AFDN: variants seen among roughly 807,000 people sequenced by gnomAD.
AFDN encodes the protein afadin.
Under a neutral mutation model 216.6 loss-of-function variants are expected in AFDN, and 68 were observed. The observed-to-expected ratio is 0.31, with a 90% CI of 0.26 to 0.38. AFDN has a LOEUF of 0.38. Among genes scored for constraint, AFDN ranks in the 10% least tolerant of loss-of-function variants. AFDN has a pLI of 1.00. For synonymous variants in AFDN, 868 were observed against 853.7 expected (o/e 1.02, Z -0.29); for missense variants, 2,136 against 2,342.0 (o/e 0.91, Z 1.82).
intron 32 of AFDN, among the ~76,000 whole-genome samples, chr6:167,967,844 C>G (rs1797711565): frequency 6.6e-6 from 1 of 152,170 alleles, no homozygotes; most frequent in African/African-American, 2.4e-5. Context: ...CCTTGCTCAG[C>G]TCTGTTTGTG....
chr6:167,916,974 C>T (rs1021313680), intron 19 of AFDN, 115 bp from the exon 20 acceptor site: 5 of 883,788 alleles, frequency 5.7e-6, no homozygotes, highest in Non-Finnish European at 8.4e-6. Context: ...TGAAATCATT[C>T]TGCATTTCAA....
Position 167,946,723 on chromosome 6 carries a change from C to T in AFDN, c.3375C>T (p.Gly1125=). Residue 1125 remains glycine (G), a synonymous_variant, in exon 27 of 34, where the codon GGC becomes GGT. Transcript: ENST00000683244. ...TGATTCCAGTTTCAGATCGTCGTGG[C>T]TCAGGTAAACCCCGACCAAAGAGTG... ...PMMQRISDRR[G]SGKPRPKSEG... 1 of 1,613,820 alleles carries T rather than the reference C, an allele frequency of 6.2e-7. No individual in the cohort carries two copies. The highest frequency in any genetic ancestry group is 8.5e-7 in the Non-Finnish European group (1 of 1,179,890).
chr6:167,920,787 C>T (rs1214490186), intron 21 of AFDN, among the ~76,000 whole-genome samples: 1 of 152,184 alleles, frequency 6.6e-6, no homozygotes, highest in Non-Finnish European at 1.5e-5. Flanking sequence ...CGGTACTCTA[C>T]TCCTGCTCCT....
At chr6:167,925,140 T>G in intron 23 of AFDN, 49 bp downstream of exon 23, 1 of 1,333,212 alleles carries the variant, frequency 7.5e-7, no homozygotes, top group Non-Finnish European at 1.1e-6. Context: ...CTTTCGGCAT[T>G]GAATCAGTGG....
intron 30 of AFDN, among the ~76,000 whole-genome samples, chr6:167,956,343 T>G (rs968358748): frequency 2.0e-5 from 3 of 152,040 alleles, no homozygotes; most frequent in Admixed American, 2.0e-4. Flanking sequence ...AGGCAGGTCT[T>G]TTCCTGTTTG....
At position 167,968,984 on chromosome 6, in the gene AFDN, G is replaced by A. The variant is rs1350977273; in HGVS notation, c.5258-130G>A. 12 of 695,410 alleles carry A rather than the reference G, an allele frequency of 1.7e-5. No individual in the cohort carries two copies. In the East Asian group the frequency reaches 3.3e-4, roughly 19 times the overall value. The allele number at this position is 695,410 out of a possible 1,614,324, so 43.1% of individuals were successfully genotyped here. The stretch of plus-strand genomic sequence containing the variant: ...AACTGATGAAACTTTGATACAATAT[G>A]AGGGGTCTTTTACCTTCCTACTTAC... On this transcript the variant is annotated intron_variant, in intron 32 of 33. Transcript: ENST00000683244.
At chr6:167,961,210 G>A (rs1160810961) in intron 30 of AFDN, among the ~76,000 whole-genome samples, 1 of 152,192 alleles carries the variant, frequency 6.6e-6, no homozygotes, top group African/African-American at 2.4e-5. Context: ...TTCCTGCAGT[G>A]GTTAGAGATT....
chr6:167,938,191 G>A (rs934029615), intron 23 of AFDN, among the ~76,000 whole-genome samples: 1 of 152,140 alleles, frequency 6.6e-6, no homozygotes, highest in African/African-American at 2.4e-5. Context: ...AGAGGATTTG[G>A]GCATATATCT....
intron 33 of AFDN, 41 bp downstream of exon 33, chr6:167,969,239 T>C (rs749658489): frequency 2.1e-6 from 3 of 1,439,892 alleles, no homozygotes; most frequent in African/African-American, 2.8e-5. Flanking sequence ...CATCTGTACC[T>C]GATGAGCCCT....
intron 1 of AFDN, among the ~76,000 whole-genome samples, chr6:167,847,889 T>G (rs1229655301): frequency 6.6e-6 from 1 of 152,190 alleles, no homozygotes; most frequent in Non-Finnish European, 1.5e-5. Flanking sequence ...TCAGTGTACC[T>G]TGACCTACAA....
chr6:167,929,094 G>A (rs910447715), intron 23 of AFDN, among the ~76,000 whole-genome samples: 6 of 152,038 alleles, frequency 3.9e-5, no homozygotes, highest in African/African-American at 1.4e-4. Flanking sequence ...TTCAAGACTA[G>A]GTTCTTTGTA....
At position 167,914,745 on chromosome 6, in the gene AFDN, A is replaced by G. The variant is rs778783886; in HGVS notation, c.2299+7A>G. 1.9e-6 allele frequency: 3 copies of G among 1,579,810 alleles called. No individual in the cohort carries two copies. The highest frequency in any genetic ancestry group is 2.2e-5 in the South Asian group (2 of 90,288). On this transcript the variant is annotated splice_region_variant and intron_variant, in intron 18 of 33. Transcript: ENST00000683244. ...CTGCAACGACCAAAAATAGGTTAGGATGTTTTCTGACTGTCTCCCTCTATC... is the reference window on the plus strand; with the variant it reads ...CTGCAACGACCAAAAATAGGTTAGGGTGTTTTCTGACTGTCTCCCTCTATC...
chr6:167,944,572 G>A (rs1795054092), intron 26 of AFDN, among the ~76,000 whole-genome samples: 1 of 152,174 alleles, frequency 6.6e-6, no homozygotes, highest in Non-Finnish European at 1.5e-5. Context: ...TCTGTATACA[G>A]TCATGCTCAC....
chr6:167,856,666 TG>T (rs1782930028), intron 1 of AFDN, among the ~76,000 whole-genome samples: 1 of 152,110 alleles, frequency 6.6e-6, no homozygotes. Context: ...TAGGTGCTTT[TG>T]TGCATACTGT....
At chr6:167,870,559 G>T in intron 3 of AFDN, 61 bp downstream of exon 3, 2 of 920,488 alleles carry the variant, frequency 2.2e-6, no homozygotes, top group South Asian at 3.9e-5. Context: ...CTGATAAACA[G>T]GAGACTGATG....
At position 167,890,863 on chromosome 6, in the gene AFDN, G is replaced by T. The variant is rs1390649875; in HGVS notation, c.1011G>T (p.Gly337=). The change falls in exon 8 of 34, where the codon GGG becomes GGT. Residue 337 remains glycine, a splice_region_variant and synonymous_variant. Transcript: ENST00000683244. The part of the protein sequence containing the change: ...QIFREWPSDK[G]ILVFQLKRRP... ...TGATTTCCCATGCTGCTGTTCTAGG[G>T]ATTTTAGTCTTTCAGTTGAAGAGGA... is the stretch of plus-strand genomic sequence containing the variant. The T allele has an allele frequency of 4.3e-6, 7 of 1,613,088 alleles. No homozygotes were observed. Among genetic ancestry groups the T allele is most frequent in the Non-Finnish European group, 5.9e-6 (7 of 1,179,548 alleles).
intron 26 of AFDN, among the ~76,000 whole-genome samples, chr6:167,945,598 A>G (rs1167005403): frequency 1.3e-5 from 2 of 152,314 alleles, no homozygotes; most frequent in African/African-American, 2.4e-5. Flanking sequence ...TCATTGTACT[A>G]CAGCTTTACA....
intron 3 of AFDN, among the ~76,000 whole-genome samples, chr6:167,870,779 T>C (rs1784702396): frequency 6.7e-6 from 1 of 149,872 alleles, no homozygotes; most frequent in South Asian, 2.1e-4. Flanking sequence ...GCTGCAGTTA[T>C]TTTTTTTTTC....
intron 1 of AFDN, among the ~76,000 whole-genome samples, chr6:167,835,983 C>T (rs189339562): frequency 1.1e-3 from 175 of 152,228 alleles, no homozygotes; most frequent in African/African-American, 3.9e-3. Flanking sequence ...ACATAGGGCT[C>T]ATTATTATGG....
Sources: gnomAD v4.1 joint callset for allele counts (sites outside exome capture counted in the v4.1 genomes callset) on GRCh38, gnomAD v4.1.1 for gene constraint, MANE v1.5 for transcripts, NCBI Gene and HGNC (gene_info 2026-07-23, HGNC 2026-07-21) for gene names.